Variants in LIAS observed in about 807,000 individuals in gnomAD.
LIAS encodes lipoyl synthase, mitochondrial.
In LIAS, 36 loss-of-function variants were observed where a neutral mutation model predicts 49.4. The ratio of observed to expected loss-of-function variants is 0.73; its 90% CI spans 0.56 to 0.96. The LOEUF (loss-of-function observed/expected upper bound fraction) is 0.96, where lower values mean the gene tolerates loss of function less well. LIAS is among the 40% of genes least tolerant of loss of function. LIAS has a pLI of 0.00. For missense variants in LIAS, 399 were observed against 456.3 expected, an observed-to-expected ratio of 0.87 and a Z score of 1.14; for synonymous variants, 145 against 155.8, an observed-to-expected ratio of 0.93 and a Z score of 0.52.
intron 3 of LIAS, among the ~76,000 whole-genome samples, chr4:39,462,559 A>G (rs1744563213): frequency 6.6e-6 from 1 of 152,230 alleles, no homozygotes; most frequent in Non-Finnish European, 1.5e-5. Context: ...AAAATTAAAT[A>G]TGAAGGTATG....
At position 39,473,092 on chromosome 4, in the gene LIAS, A is replaced by T. The variant is rs1349306130; in HGVS notation, c.955-8A>T. The T allele has an allele frequency of 1.4e-6, 2 of 1,446,584 alleles. No homozygotes were observed. The highest frequency in any genetic ancestry group is 1.4e-5 in the African/African-American group (1 of 71,604). 89.6% of individuals were successfully genotyped at this position (1,446,584 alleles called of 1,614,324 possible). A position where few individuals can be genotyped will look rare whatever the true frequency, so the allele number is the denominator to read the frequency against. The stretch of plus-strand genomic sequence containing the variant: ...AAAATCTGATCAGAAGTAATTATTT[A>T]AATCTAGGTTGAAGAATATATTACT... On this transcript the variant is annotated splice_region_variant and splice_polypyrimidine_tract_variant and intron_variant, in intron 9 of 10. Coordinates refer to ENST00000640888, the MANE Select transcript of LIAS (RefSeq NM_006859.4).
At chr4:39,462,608 C>G (rs561493296) in intron 3 of LIAS, among the ~76,000 whole-genome samples, 1 of 152,198 alleles carries the variant, frequency 6.6e-6, no homozygotes, top group South Asian at 2.1e-4. Flanking sequence ...TACTCCTTTA[C>G]CTTTAACTCT....
At position 39,478,911 on chromosome 4, in the gene LIAS, AG is replaced by A. The variant is rs1745299649; in HGVS notation, c.*1797del. The A allele has an allele frequency of 6.6e-6, 1 of 152,168 alleles. No individual in the cohort carries two copies. 9.4% of individuals were successfully genotyped at this position (152,168 alleles called of 1,614,324 possible). A position where few individuals can be genotyped will look rare whatever the true frequency, so the allele number is the denominator to read the frequency against. On this transcript the variant is annotated 3_prime_UTR_variant, in exon 11 of 11. Coordinates refer to ENST00000640888, the MANE Select transcript of LIAS (RefSeq NM_006859.4). Reference sequence around the variant, plus strand: ...TCTTATAACGAGCCAGTATTATAAAAGTAATGCACATCCTTGCCAGGTGTGG... The same window carrying A: ...TCTTATAACGAGCCAGTATTATAAAATAATGCACATCCTTGCCAGGTGTGG...
chr4:39,462,039 C>G (rs1021382881), intron 2 of LIAS, among the ~76,000 whole-genome samples, 157 bp from the exon 3 acceptor site: 1 of 152,142 alleles, frequency 6.6e-6, no homozygotes, highest in Non-Finnish European at 1.5e-5. Flanking sequence ...AAATTTGATT[C>G]TGTGTTCTTA....
At position 39,462,250 on chromosome 4, in the gene LIAS, T is replaced by C; in HGVS notation, c.273T>C (p.Asn91=). 6.4e-7 allele frequency: 1 copy of C among 1,568,748 alleles called. No individual in the cohort carries two copies. The highest frequency in any genetic ancestry group is 8.6e-7 in the Non-Finnish European group (1 of 1,160,152). The part of the protein sequence containing the change: ...KTEIPMGKNY[N]KLKNTLRNLN... ...AGATTCCCATGGGGAAAAATTACAA[T>C]AAACTGAAAAATACTTTGCGGAATT... Residue 91 remains asparagine (N), a synonymous_variant, in exon 3 of 11, where the codon AAT becomes AAC. Coordinates refer to ENST00000640888, the MANE Select transcript of LIAS (RefSeq NM_006859.4).
chr4:39,476,944 G>T, intron 10 of LIAS, 119 bp from the exon 11 acceptor site: 1 of 642,146 alleles, frequency 1.6e-6, no homozygotes. Flanking sequence ...AGAGAGAAGT[G>T]CCAATAAATA....
At chr4:39,465,374 A>G in intron 6 of LIAS, 32 bp downstream of exon 6, 1 of 1,572,716 alleles carries the variant, frequency 6.4e-7, no homozygotes, top group African/African-American at 1.4e-5. Context: ...TAATTTAAGG[A>G]CCTTTTTGGA....
In LIAS at chr4:39,470,031, T is replaced by C; in HGVS notation, c.750T>C (p.Asp250=). 6.2e-7 allele frequency: 1 copy of C among 1,609,080 alleles called. No homozygotes were observed. Among genetic ancestry groups the C allele is most frequent in the Non-Finnish European group, 8.5e-7 (1 of 1,176,606 alleles). ...TVPELQSKVR[D]PRANFDQSLR... Reference sequence around the variant, plus strand: ...TGCTGTTTTCCAGTAAGGTTCGTGATCCTCGGGCCAATTTTGATCAGTCCC... The same window carrying C: ...TGCTGTTTTCCAGTAAGGTTCGTGACCCTCGGGCCAATTTTGATCAGTCCC... The change falls in exon 8 of 11, where the codon GAT becomes GAC. Residue 250 remains aspartate, a synonymous_variant. Coordinates refer to ENST00000640888, the MANE Select transcript of LIAS (RefSeq NM_006859.4).
chr4:39,461,875 A>G (rs1038199244), intron 2 of LIAS, among the ~76,000 whole-genome samples: 3 of 152,184 alleles, frequency 2.0e-5, no homozygotes, highest in Admixed American at 6.5e-5. Flanking sequence ...TTGTATTTTT[A>G]GTAGAGACAG....
At position 39,477,146 on chromosome 4, in the gene LIAS, A is replaced by G. The variant is rs1745220896; in HGVS notation, c.*31A>G. 7.7e-6 allele frequency: 12 copies of G among 1,549,466 alleles called. No individual in the cohort carries two copies. Among genetic ancestry groups the G allele is most frequent in the Non-Finnish European group, 1.1e-5 (12 of 1,132,530 alleles). On this transcript the variant is annotated 3_prime_UTR_variant, in exon 11 of 11. Transcript: ENST00000640888. ...CAACAAGACCTTCAAGATCACAGAA[A>G]TTTTTAAAATTTGATTCCAGTTAAT...
At position 39,465,196 on chromosome 4, in the gene LIAS, C is replaced by T. The variant is rs1159319400; in HGVS notation, c.544C>T (p.Arg182Ter). The T allele has an allele frequency of 2.5e-6, 4 of 1,613,432 alleles. No individual in the cohort carries two copies. Among genetic ancestry groups the T allele is most frequent in the South Asian group, 2.2e-5 (2 of 91,006 alleles). ...TTATGTTGTCCTGACATCTGTGGAT[C>T]GAGATGGTTAGTGTGTCATCATGGC... is the stretch of plus-strand genomic sequence containing the variant. ...LDYVVLTSVD[R>*]DDMPDGGAEH... Residue 182 changes from arginine (R) to a stop codon, truncating the protein, a stop_gained, in exon 5 of 11, where the codon CGA becomes TGA. Coordinates refer to ENST00000640888, the MANE Select transcript of LIAS (RefSeq NM_006859.4). LOFTEE classifies it high-confidence loss of function.
At position 39,477,699 on chromosome 4, in the gene LIAS, A is replaced by G. The variant is rs929696459; in HGVS notation, c.*584A>G. 6.6e-6 allele frequency: 1 copy of G among 152,226 alleles called. No individual in the cohort carries two copies. The highest frequency in any genetic ancestry group is 1.5e-5 in the Non-Finnish European group (1 of 68,166). The allele number at this position is 152,226 out of a possible 1,614,324, so 9.4% of individuals were successfully genotyped here. A position where few individuals can be genotyped will look rare whatever the true frequency, so the allele number is the denominator to read the frequency against. ...TTTAACATAATTTTAAAATGCATTA[A>G]AAACATGGCATGGTGGCTCACACCT... On this transcript the variant is annotated 3_prime_UTR_variant, in exon 11 of 11. Coordinates refer to ENST00000640888, the MANE Select transcript of LIAS (RefSeq NM_006859.4).
intron 2 of LIAS, 110 bp downstream of exon 2, chr4:39,461,072 G>T: frequency 1.1e-6 from 1 of 890,138 alleles, no homozygotes. Context: ...GTTAAATTTA[G>T]CTAAAAATCA....
intron 10 of LIAS, among the ~76,000 whole-genome samples, chr4:39,474,723 G>A (rs1745129385): frequency 6.6e-6 from 1 of 151,816 alleles, no homozygotes; most frequent in Non-Finnish European, 1.5e-5. Context: ...AGCCTCCTGA[G>A]TAGCTGGGAC....
At chr4:39,459,194 G>T in intron 1 of LIAS, 32 bp downstream of exon 1, 1 of 1,604,122 alleles carries the variant, frequency 6.2e-7, no homozygotes. Context: ...TTTGGGCGTG[G>T]GGTGGGGGGA....
intron 10 of LIAS, chr4:39,476,570 C>T (rs1745199735): frequency 6.5e-6 from 1 of 152,780 alleles, no homozygotes; most frequent in African/African-American, 2.4e-5. Flanking sequence ...GGGAGAAAGC[C>T]CATTACAAAT....
chr4:39,462,348 A>C, intron 3 of LIAS, 59 bp downstream of exon 3: 1 of 659,690 alleles, frequency 1.5e-6, no homozygotes, highest in African/African-American at 1.9e-5. Flanking sequence ...CTACGTTTAT[A>C]TAACTTAAAA....
rs1210597793 is a variant in LIAS at position 39,462,270 on chromosome 4, G to A, written c.293G>A (p.Arg98Gln). The A allele has an allele frequency of 3.2e-6, 5 of 1,555,216 alleles. No homozygotes were observed. The highest frequency in any genetic ancestry group is 1.2e-5 in the South Asian group (1 of 83,114). The change falls in exon 3 of 11, where the codon CGG (arginine) becomes CAG (glutamine). Residue 98 changes from arginine (R) to glutamine (Q), a missense_variant. By Grantham distance (43) the Arg-to-Gln change is conservative. Coordinates refer to ENST00000640888, the MANE Select transcript of LIAS (RefSeq NM_006859.4). ...TACAATAAACTGAAAAATACTTTGC[G>A]GAATTTAAATCTCCATACAGTAAGT... ...KNYNKLKNTL[R>Q]NLNLHTVCEE...
At chr4:39,469,809 C>T (rs565951561) in intron 7 of LIAS, 40 of 406,714 alleles carry the variant, frequency 9.8e-5, no homozygotes, top group Middle Eastern at 5.9e-4. Flanking sequence ...TTCTACTTTT[C>T]TCTGCCCCAG....
Sources: gnomAD v4.1 joint callset for allele counts (sites outside exome capture counted in the v4.1 genomes callset) on GRCh38, gnomAD v4.1.1 for gene constraint, MANE v1.5 for transcripts, NCBI Gene and HGNC (gene_info 2026-07-23, HGNC 2026-07-21) for gene names.